PRDM2: variants seen among roughly 807,000 people sequenced by gnomAD.
PRDM2 encodes PR domain zinc finger protein 2.
PRDM2 carries 30 observed loss-of-function variants against 130.0 expected under a neutral mutation model. The ratio of observed to expected loss-of-function variants is 0.23; its 90% CI spans 0.17 to 0.31. The LOEUF is 0.31. Ranked by LOEUF, PRDM2 falls within the 10% of genes least tolerant of loss-of-function variation. The pLI, the probability that PRDM2 is intolerant of heterozygous loss-of-function variation, is 1.00. For missense variants in PRDM2, 2,011 were observed against 2,108.4 expected (o/e 0.95, Z 0.90); for synonymous variants, 871 against 782.4 (o/e 1.11, Z -1.89).
Position 13,816,527 on chromosome 1 carries a change from G to C in PRDM2, c.5137G>C (p.Gly1713Arg), listed in dbSNP as rs753560377. The stretch of plus-strand genomic sequence containing the variant: ...AGCTCCAGCTGCAGCCCAGTTCCAG[G>C]GACCATTCTTCAAAGAGTAGACACT... The part of the protein sequence containing the change: ...VKAPAAAQFQ[G>R]PFFKE The change falls in exon 9 of 10, where the codon GGA becomes CGA. Residue 1713 changes from glycine (G) to arginine (R), a missense_variant. By Grantham distance (125) the Gly-to-Arg change is moderately radical. Around this residue, in one of 5 missense-constraint regions of PRDM2, gnomAD observed 410 missense variants for 395.9 expected, o/e 1.04. Coordinates refer to ENST00000311066, the MANE Select transcript of PRDM2 (RefSeq NM_001393986.1). 1.9e-6 allele frequency: 3 copies of C among 1,614,164 alleles called. No individual in the cohort carries two copies. The Admixed American group carries it at 5.0e-5, about 27-fold the overall frequency.
At chr1:13,818,418 C>T (rs6658233) in intron 9 of PRDM2, among the ~76,000 whole-genome samples, 91,210 of 143,656 alleles carry the variant, frequency 0.63, 30,935 homozygotes, top group Middle Eastern at 0.78. Context: ...CTCGCTCTGT[C>T]GCCAGGCTGG....
Position 13,732,873 on chromosome 1 carries a change from C to T in PRDM2, c.222C>T (p.Tyr74=). The T allele has an allele frequency of 6.4e-7, 1 of 1,566,360 alleles. No homozygotes were observed. Among genetic ancestry groups the T allele is most frequent in the Non-Finnish European group, 8.7e-7 (1 of 1,147,458 alleles). ...GATCTCAGGTTAAGAATAATGTATA[C>T]ATGTGGGAGGTAAGAAGTAATTCTG... is the stretch of plus-strand genomic sequence containing the variant. ...KKRSQVKNNV[Y]MWEVYYPNLG... The change falls in exon 4 of 10, where the codon TAC becomes TAT. Residue 74 remains tyrosine (Y), a synonymous_variant. Transcript: ENST00000311066.
In PRDM2 at chr1:13,780,604, A is replaced by C. The variant is rs1316533068; in HGVS notation, c.2809A>C (p.Thr937Pro). 1.9e-6 allele frequency: 3 copies of C among 1,613,810 alleles called. No individual in the cohort carries two copies. Among genetic ancestry groups the C allele is most frequent in the Non-Finnish European group, 2.5e-6 (3 of 1,179,928 alleles). ...TCCGGGCTCTGGTTTCCCTGCCCCTACTGTTGAGTCCACACCTGATGTTTG... is the reference window on the plus strand; with the variant it reads ...TCCGGGCTCTGGTTTCCCTGCCCCTCCTGTTGAGTCCACACCTGATGTTTG... ...LGPGSGFPAP[T>P]VESTPDVCPS... Residue 937 changes from threonine to proline, a missense_variant, in exon 8 of 10, where the codon ACT becomes CCT. Physicochemically the swap from Thr to Pro is conservative, Grantham distance 38. Coordinates refer to ENST00000311066, the MANE Select transcript of PRDM2 (RefSeq NM_001393986.1).
intron 4 of PRDM2, among the ~76,000 whole-genome samples, chr1:13,733,982 G>A (rs558398032): frequency 6.6e-6 from 1 of 152,330 alleles, no homozygotes; most frequent in African/African-American, 2.4e-5. Context: ...CATTTGTATG[G>A]TTGAAGTATG....
At chr1:13,783,742 T>C (rs994945819) in intron 8 of PRDM2, among the ~76,000 whole-genome samples, 1 of 152,244 alleles carries the variant, frequency 6.6e-6, no homozygotes, top group Non-Finnish European at 1.5e-5. Flanking sequence ...TCCTGCTGTT[T>C]CTGAATAGTT....
intron 6 of PRDM2, among the ~76,000 whole-genome samples, chr1:13,755,860 C>A (rs191203135): frequency 7.8e-4 from 119 of 152,108 alleles, no homozygotes; most frequent in African/African-American, 2.9e-3. Context: ...ACTCGAACTC[C>A]TGAGCTCAAG....
chr1:13,762,032 A>G (rs887500797), intron 6 of PRDM2, among the ~76,000 whole-genome samples: 2 of 152,252 alleles, frequency 1.3e-5, no homozygotes, highest in African/African-American at 4.8e-5. Context: ...ACATATGCCG[A>G]CAATTTAGAT....
chr1:13,761,179 G>A (rs1320325962), intron 6 of PRDM2, among the ~76,000 whole-genome samples: 1 of 152,236 alleles, frequency 6.6e-6, no homozygotes, highest in Non-Finnish European at 1.5e-5. Flanking sequence ...ACGTCTCACT[G>A]TTTGCTCGTC....
chr1:13,780,974 C>T lies in PRDM2; in HGVS notation c.3179C>T (p.Ser1060Phe), dbSNP rs549488897. 148 of 1,603,080 alleles carry T rather than the reference C, an allele frequency of 9.2e-5. 2 individuals carry two copies. The South Asian group carries it at 1.5e-3, about 17-fold the overall frequency. Reference sequence around the variant, plus strand: ...TCTTCTTCCTCCTCTTCATCTTCCTCCTCCTCTTCGTTTTCTTCTTCATCT... The same window carrying T: ...TCTTCTTCCTCCTCTTCATCTTCCTTCTCCTCTTCGTTTTCTTCTTCATCT... ...TLSSSSSSSS[S>F]SSSFSSSSSS... Residue 1060 changes from serine to phenylalanine, a missense_variant, in exon 8 of 10, where the codon TCC becomes TTC. Ser to Phe is a radical substitution (Grantham distance 155, BLOSUM62 -2). Around this residue, in one of 5 missense-constraint regions of PRDM2, gnomAD observed 1,288 missense variants for 1,237.7 expected, o/e 1.04. Transcript: ENST00000311066.
intron 6 of PRDM2, among the ~76,000 whole-genome samples, chr1:13,758,233 C>T (rs1644007551): frequency 6.6e-6 from 1 of 151,938 alleles, no homozygotes; most frequent in South Asian, 2.1e-4. Context: ...CGCCTGAGGT[C>T]AGGAGTTTGA....
At chr1:13,787,068 C>A in intron 8 of PRDM2, 2 of 985,268 alleles carry the variant, frequency 2.0e-6, no homozygotes, top group Non-Finnish European at 2.4e-6. Flanking sequence ...TTGTTGTTTT[C>A]GTTTTTTTAA....
intron 1 of PRDM2, among the ~76,000 whole-genome samples, chr1:13,714,082 G>C (rs1285297836): frequency 6.6e-6 from 1 of 152,148 alleles, no homozygotes; most frequent in African/African-American, 2.4e-5. Context: ...TGTTAGCCAG[G>C]ATGGTCTCGA....
intron 5 of PRDM2, among the ~76,000 whole-genome samples, chr1:13,742,601 G>T (rs894109002): frequency 1.3e-5 from 2 of 152,188 alleles, no homozygotes; most frequent in Non-Finnish European, 2.9e-5. Context: ...ACACTCTTAA[G>T]GTTCTGTGTT....
In PRDM2 at chr1:13,778,638, AGAAGAT is replaced by A. The variant is rs754628862; in HGVS notation, c.846_851del (p.Glu282_Asp283del). The A allele has an allele frequency of 1.7e-4, 271 of 1,613,826 alleles. 1 individual carries two copies. In the Middle Eastern group the frequency reaches 2.5e-3, roughly 15 times the overall value. ...AAGAGGAGGAGGATGAAGAAGAAGA[AGAAGAT>A]GATGATGATGATGAGTTGGAAGACG... is the stretch of plus-strand genomic sequence containing the variant. On this transcript the variant is annotated inframe_deletion, in exon 8 of 10. Transcript: ENST00000311066.
chr1:13,816,116 G>A (rs1172880111), intron 8 of PRDM2, among the ~76,000 whole-genome samples: 2 of 152,162 alleles, frequency 1.3e-5, no homozygotes, highest in Admixed American at 6.5e-5. Flanking sequence ...CATGTCCACT[G>A]GGGGTCACCA....
At chr1:13,700,326 C>T (rs1642026550) in intron 1 of PRDM2, 26 bp downstream of exon 1, 1 of 148,740 alleles carries the variant, frequency 6.7e-6, no homozygotes, top group African/African-American at 2.4e-5. Flanking sequence ...GGTGGGCGGC[C>T]TCTGGGCTCG....
intron 8 of PRDM2, chr1:13,786,538 A>T: frequency 6.2e-7 from 1 of 1,609,492 alleles, no homozygotes. Flanking sequence ...AAAAGCCCCC[A>T]AAACAAAACA....
intron 8 of PRDM2, among the ~76,000 whole-genome samples, chr1:13,810,922 T>C (rs1242595144): frequency 6.6e-6 from 1 of 151,844 alleles, no homozygotes; most frequent in Non-Finnish European, 1.5e-5. Flanking sequence ...TGGTGGCTCA[T>C]GCTTATAATC....
intron 2 of PRDM2, among the ~76,000 whole-genome samples, chr1:13,718,908 G>A (rs1286589091): frequency 6.6e-6 from 1 of 152,196 alleles, no homozygotes; most frequent in South Asian, 2.1e-4. Flanking sequence ...CTCAGGAATG[G>A]TTCCATTATC....
Sources: gnomAD v4.1 joint callset for allele counts (sites outside exome capture counted in the v4.1 genomes callset) on GRCh38, gnomAD v4.1.1 for gene constraint, gnomAD v4.1.1 regional missense constraint, MANE v1.5 for transcripts, NCBI Gene and HGNC (gene_info 2026-07-23, HGNC 2026-07-21) for gene names.